ZC3H13: variants seen among roughly 807,000 people sequenced by gnomAD.
ZC3H13 encodes the protein zinc finger CCCH-type containing 13.
Under a neutral mutation model 204.1 loss-of-function variants are expected in ZC3H13, and 64 were observed. The ratio of observed to expected loss-of-function variants is 0.31; its 90% CI spans 0.26 to 0.39. ZC3H13 has a LOEUF of 0.39. ZC3H13 is among the 10% of genes least tolerant of loss of function. ZC3H13 has a pLI of 1.00. For missense variants in ZC3H13, 1,833 were observed against 2,082.7 expected, an observed-to-expected ratio of 0.88 and a Z score of 2.33; for synonymous variants, 667 against 693.7, an observed-to-expected ratio of 0.96 and a Z score of 0.60.
intron 8 of ZC3H13, among the ~76,000 whole-genome samples, chr13:45,999,248 A>G (rs934707362): frequency 6.6e-6 from 1 of 152,128 alleles, no homozygotes; most frequent in Admixed American, 6.5e-5. Flanking sequence ...GTGAGCTGAG[A>G]TCACGCCAGT....
At chr13:46,024,915 T>C (rs2042449033) in intron 4 of ZC3H13, among the ~76,000 whole-genome samples, 1 of 152,218 alleles carries the variant, frequency 6.6e-6, no homozygotes, top group Non-Finnish European at 1.5e-5. Context: ...CAATTAACTT[T>C]CTATGCCTAA....
At chr13:46,028,965 T>C (rs1360158140) in intron 4 of ZC3H13, among the ~76,000 whole-genome samples, 2 of 151,918 alleles carry the variant, frequency 1.3e-5, no homozygotes, top group African/African-American at 4.8e-5. Context: ...AAAAAGTCAA[T>C]GAAATCGAAA....
At position 45,970,066 on chromosome 13, in the gene ZC3H13, C is replaced by T. The variant is rs892191289; in HGVS notation, c.2573-95G>A. ...AATAATTTCTCCTCACACCTGTAAT[C>T]CCAGGACTTTGGGAGGCCGAGGCAG... On this transcript the variant is annotated intron_variant, in intron 13 of 18. Transcript: ENST00000679008. The T allele has an allele frequency of 3.4e-6, 5 of 1,456,976 alleles. No individual in the cohort carries two copies. The African/African-American group carries it at 7.1e-5, about 21-fold the overall frequency. The allele number at this position is 1,456,976 out of a possible 1,614,324, so 90.3% of individuals were successfully genotyped here.
chr13:46,016,445 A>G (rs2041913376), intron 5 of ZC3H13, among the ~76,000 whole-genome samples: 1 of 152,182 alleles, frequency 6.6e-6, no homozygotes, highest in Non-Finnish European at 1.5e-5. Context: ...GTACAATCTC[A>G]GATAATACTG....
intron 7 of ZC3H13, among the ~76,000 whole-genome samples, chr13:46,008,713 T>G (rs143349624): frequency 1.3e-5 from 2 of 152,166 alleles, no homozygotes; most frequent in Non-Finnish European, 2.9e-5. Context: ...GAAAGTTACA[T>G]AGCTGGTTAG....
In ZC3H13 at chr13:45,968,177, T is replaced by C. The variant is rs1300044553; in HGVS notation, c.3797-149A>G. The C allele has an allele frequency of 1.1e-5, 7 of 617,772 alleles. No homozygotes were observed. In the South Asian group the frequency reaches 1.3e-4, roughly 12 times the overall value. 38.3% of individuals were successfully genotyped at this position (617,772 alleles called of 1,614,324 possible). On this transcript the variant is annotated intron_variant, in intron 14 of 18. Coordinates refer to ENST00000679008, the MANE Select transcript of ZC3H13 (RefSeq NM_001330564.2). ...TTCCATATTGTCTCTATATGTTCTA[T>C]ATATTTCTATATTCTACATATACAT...
intron 8 of ZC3H13, among the ~76,000 whole-genome samples, chr13:45,989,570 G>T (rs747995569): frequency 1.3e-5 from 2 of 152,168 alleles, no homozygotes; most frequent in Admixed American, 6.5e-5. Context: ...AAAAGTCCAC[G>T]CTGCATGGGT....
At chr13:45,957,773 C>A (rs1951370216) in intron 18 of ZC3H13, among the ~76,000 whole-genome samples, 1 of 152,148 alleles carries the variant, frequency 6.6e-6, no homozygotes, top group African/African-American at 2.4e-5. Flanking sequence ...CTTCTGTAAG[C>A]CAAACATTCT....
intron 12 of ZC3H13, among the ~76,000 whole-genome samples, chr13:45,972,828 G>C (rs757851879): frequency 1.2e-4 from 19 of 152,186 alleles, no homozygotes; most frequent in Non-Finnish European, 1.8e-4. Context: ...GAGGATTCAG[G>C]AGGCCTTGCT....
chr13:45,957,937 TA>T (rs1169087618), intron 18 of ZC3H13, among the ~76,000 whole-genome samples: 1 of 152,188 alleles, frequency 6.6e-6, no homozygotes, highest in African/African-American at 2.4e-5. Context: ...GACTTAAAGT[TA>T]CATTAGCATT....
intron 8 of ZC3H13, among the ~76,000 whole-genome samples, chr13:45,994,957 A>T (rs1321962999): frequency 1.3e-5 from 2 of 149,808 alleles, no homozygotes; most frequent in African/African-American, 2.4e-5. Context: ...ATGGCCTGGA[A>T]GTCCCATCTA....
At chr13:46,012,496 T>G (rs950054175) in intron 5 of ZC3H13, among the ~76,000 whole-genome samples, 2 of 152,190 alleles carry the variant, frequency 1.3e-5, no homozygotes, top group Non-Finnish European at 2.9e-5. Context: ...GAAGTCCTAC[T>G]TGACTGCTTA....
At chr13:45,962,876 A>G (rs1448313749) in intron 17 of ZC3H13, 2 of 985,260 alleles carry the variant, frequency 2.0e-6, no homozygotes, top group East Asian at 2.3e-4. Flanking sequence ...AGTAAGTTGC[A>G]AAATAAACTA....
chr13:46,051,697 C>T (rs1407608343), intron 1 of ZC3H13, among the ~76,000 whole-genome samples: 3 of 152,076 alleles, frequency 2.0e-5, no homozygotes, highest in Admixed American at 1.3e-4. Flanking sequence ...CTTCATACTC[C>T]CATAATTTTC....
intron 8 of ZC3H13, among the ~76,000 whole-genome samples, chr13:45,992,004 T>C (rs1184106617): frequency 1.3e-5 from 2 of 152,184 alleles, no homozygotes; most frequent in Non-Finnish European, 2.9e-5. Flanking sequence ...CACCAATGTT[T>C]CTTTCAAAAA....
At chr13:46,035,905 T>C (rs2043179484) in intron 4 of ZC3H13, among the ~76,000 whole-genome samples, 1 of 152,206 alleles carries the variant, frequency 6.6e-6, no homozygotes, top group Non-Finnish European at 1.5e-5. Flanking sequence ...CTGCTAATTC[T>C]AACAGCTACA....
chr13:46,015,005 C>T (rs2041824757), intron 5 of ZC3H13, among the ~76,000 whole-genome samples: 1 of 152,084 alleles, frequency 6.6e-6, no homozygotes, highest in Non-Finnish European at 1.5e-5. Flanking sequence ...AAAAACAAGA[C>T]TTATATGAAC....
chr13:45,985,747 G>A lies in ZC3H13; in HGVS notation c.1270C>T (p.Arg424Ter). The A allele has an allele frequency of 6.2e-7, 1 of 1,606,404 alleles. No individual in the cohort carries two copies. The highest frequency in any genetic ancestry group is 8.5e-7 in the Non-Finnish European group (1 of 1,177,568). ...HERREDTRGKRDREKDSREER... is the reference protein window; with the variant it reads ...HERREDTRGK The stretch of plus-strand genomic sequence containing the variant: ...TCTCTTGAGTCCTTTTCTCTGTCTC[G>A]TTTGCCCCTAGTATCTGTAATGCAA... Residue 424 changes from arginine (R) to a stop codon, truncating the protein, a stop_gained, in exon 10 of 19, where the codon CGA becomes TGA. Coordinates refer to ENST00000679008, the MANE Select transcript of ZC3H13 (RefSeq NM_001330564.2). LOFTEE classifies it high-confidence loss of function.
chr13:45,969,825 C>G lies in ZC3H13; in HGVS notation c.2719G>C (p.Glu907Gln). Residue 907 changes from glutamate (E) to glutamine (Q), a missense_variant, in exon 14 of 19, where the codon GAA becomes CAA. By Grantham distance (29) the Glu-to-Gln change is conservative. This residue lies in a region of ZC3H13 where 1,574 missense variants were observed against 1,757.2 expected (regional missense o/e 0.90). Transcript: ENST00000679008. ...GAAACTTTCTCCTTGAGTTCCTGTT[C>G]TTCGTAGCGCCTTGAACTCTCTTTC... ...ERKESSRRYEEQELKEKVSSV... is the reference protein window; with the variant it reads ...ERKESSRRYEQQELKEKVSSV... 6.2e-7 allele frequency: 1 copy of G among 1,613,906 alleles called. No individual in the cohort carries two copies. Among genetic ancestry groups the G allele is most frequent in the Non-Finnish European group, 8.5e-7 (1 of 1,180,016 alleles).
Sources: allele counts gnomAD v4.1 joint callset (sites outside exome capture counted in the v4.1 genomes callset), GRCh38; gene constraint gnomAD v4.1.1; regional missense constraint gnomAD v4.1.1; transcripts MANE v1.5; gene names NCBI Gene and HGNC (gene_info 2026-07-23, HGNC 2026-07-21).